The following PTPRD variants were observed in gnomAD, a reference collection of about 807,000 sequenced individuals.
PTPRD encodes protein tyrosine phosphatase receptor type D.
A neutral mutation model predicts 214.5 loss-of-function variants in PTPRD; 34 were observed. That is an observed-to-expected ratio of 0.16 (90% CI 0.12 to 0.21). The LOEUF (loss-of-function observed/expected upper bound fraction) is 0.21. Among genes scored for constraint, PTPRD ranks in the 10% least tolerant of loss-of-function variants. The pLI, the probability that PTPRD is intolerant of heterozygous loss-of-function variation, is 1.00. For missense variants in PTPRD, 2,545 were observed against 2,398.7 expected, an observed-to-expected ratio of 1.06 and a Z score of -1.27; for synonymous variants, 1,128 against 845.7, an observed-to-expected ratio of 1.33 and a Z score of -5.79.
chr9:9,093,937 A>G (rs995277980), intron 10 of PTPRD, among the ~76,000 whole-genome samples: 29 of 151,982 alleles, frequency 1.9e-4, no homozygotes, highest in African/African-American at 5.8e-4. Context: ...GACCAAGTAG[A>G]AAGAAAAAAA....
intron 9 of PTPRD, among the ~76,000 whole-genome samples, chr9:9,247,233 A>T (rs767622639): frequency 6.6e-6 from 1 of 151,786 alleles, no homozygotes; most frequent in East Asian, 1.9e-4. Flanking sequence ...GGAAGGCCAT[A>T]CAGAGAGGTC....
At chr9:8,493,649 C>T (rs1421787092) in intron 26 of PTPRD, among the ~76,000 whole-genome samples, 3 of 152,118 alleles carry the variant, frequency 2.0e-5, no homozygotes, top group African/African-American at 2.4e-5. Flanking sequence ...TCATTATCCA[C>T]TGAGGAGAAT....
intron 5 of PTPRD, among the ~76,000 whole-genome samples, chr9:9,841,542 A>G (rs1471760594): frequency 6.6e-6 from 1 of 152,142 alleles, no homozygotes; most frequent in Non-Finnish European, 1.5e-5. Context: ...TATTTCTGTT[A>G]TTAGAATATA....
At chr9:10,086,807 G>C (rs1194946994) in intron 3 of PTPRD, among the ~76,000 whole-genome samples, 3 of 151,700 alleles carry the variant, frequency 2.0e-5, no homozygotes, top group Non-Finnish European at 2.9e-5. Context: ...TTCATTTCAG[G>C]AGATGAGTTC....
chr9:8,710,162 T>C (rs1201960146), intron 12 of PTPRD, among the ~76,000 whole-genome samples: 1 of 152,188 alleles, frequency 6.6e-6, no homozygotes, highest in Non-Finnish European at 1.5e-5. Context: ...AGAAGCTTTT[T>C]TCCTGGCAAT....
chr9:9,856,248 G>A (rs1316575574), intron 5 of PTPRD, among the ~76,000 whole-genome samples: 2 of 152,128 alleles, frequency 1.3e-5, no homozygotes, highest in Non-Finnish European at 2.9e-5. Context: ...TCTGCCAGAT[G>A]AGCTTAGGGT....
intron 2 of PTPRD, among the ~76,000 whole-genome samples, chr9:10,603,134 C>A (rs368601621): frequency 6.6e-6 from 1 of 151,782 alleles, no homozygotes; most frequent in African/African-American, 2.4e-5. Flanking sequence ...TTAATCTTCC[C>A]AGGAAAAGGG....
intron 9 of PTPRD, among the ~76,000 whole-genome samples, chr9:9,347,434 T>C (rs2049294517): frequency 6.6e-6 from 1 of 151,976 alleles, no homozygotes; most frequent in Non-Finnish European, 1.5e-5. Flanking sequence ...TTCTGTTCCC[T>C]TCAATGTTAC....
intron 33 of PTPRD, among the ~76,000 whole-genome samples, chr9:8,457,452 G>A (rs2133977036): frequency 6.6e-6 from 1 of 152,010 alleles, no homozygotes; most frequent in Non-Finnish European, 1.5e-5. Flanking sequence ...AAGCCCTGGT[G>A]ATTTTTTTTT....
At chr9:8,454,962 A>T (rs2133848387) in intron 33 of PTPRD, among the ~76,000 whole-genome samples, 1 of 152,296 alleles carries the variant, frequency 6.6e-6, no homozygotes, top group South Asian at 2.1e-4. Flanking sequence ...ATGCTATGAG[A>T]AAACTAATGT....
chr9:8,486,365 T>C lies in PTPRD; in HGVS notation c.2468-16A>G. 1 of 1,608,514 alleles carries C rather than the reference T, an allele frequency of 6.2e-7. No individual in the cohort carries two copies. Among genetic ancestry groups the C allele is most frequent in the African/African-American group, 1.3e-5 (1 of 74,934 alleles). On this transcript the variant is annotated splice_polypyrimidine_tract_variant and intron_variant, in intron 27 of 45. Transcript: ENST00000381196. ...TTCCCTGGAACTGGAGCACATGGGATGGAGTGGTAAGACCAACCAATCTGA... is the reference window on the plus strand; with the variant it reads ...TTCCCTGGAACTGGAGCACATGGGACGGAGTGGTAAGACCAACCAATCTGA...
rs902370681 is a variant in PTPRD at position 9,762,706 on chromosome 9, G to A, written c.-326+4104C>T. Among the ~76,000 whole-genome samples the A allele has an allele frequency of 3.3e-5, 5 of 152,132 alleles. No individual in the cohort carries two copies. The South Asian group carries it at 6.2e-4, about 19-fold the overall frequency. ...TTCTACATAAGACTTCATCAGAACC[G>A]CATATATTTCTTTCATGCAACTCAG... On this transcript the variant is annotated intron_variant, in intron 6 of 45. Transcript: ENST00000381196.
In PTPRD at chr9:8,355,833, A is replaced by G. The variant is rs967756512; in HGVS notation, c.4662-13855T>C. ...GACCAAAGATTGTGCATTTCCAACAAGTTCTAAAGCCATGCTGATATGGCT... is the reference window on the plus strand; with the variant it reads ...GACCAAAGATTGTGCATTTCCAACAGGTTCTAAAGCCATGCTGATATGGCT... On this transcript the variant is annotated intron_variant, in intron 39 of 45. Transcript: ENST00000381196. Among the ~76,000 whole-genome samples, 3 of 152,160 alleles carry G rather than the reference A, an allele frequency of 2.0e-5. No homozygotes were observed. In the East Asian group the frequency reaches 5.8e-4, roughly 29 times the overall value.
chr9:9,823,635 G>A (rs868307253), intron 5 of PTPRD, among the ~76,000 whole-genome samples: 3 of 152,016 alleles, frequency 2.0e-5, no homozygotes, highest in African/African-American at 7.2e-5. Context: ...GTTACAGAAA[G>A]ACAAATATCA....
chr9:9,585,246 C>T (rs961752425), intron 7 of PTPRD, among the ~76,000 whole-genome samples: 7 of 152,022 alleles, frequency 4.6e-5, no homozygotes, highest in Non-Finnish European at 1.0e-4. Context: ...TGCCTAGGGG[C>T]AAAGCTGTGC....
At chr9:8,748,522 C>CAAAAAAAAAAAAAAAAAAAAAAAAAAAAA (rs1239091825) in intron 11 of PTPRD, among the ~76,000 whole-genome samples, 2 of 37,860 alleles carry the variant, frequency 5.3e-5, no homozygotes, top group Non-Finnish European at 1.2e-4. Context: ...CCTGCAACTG[C>CAAAAAAAAAAAAAAAAAAAAAAAAAAAAA]AAAAAAAAAA....
At chr9:9,263,064 T>TA (rs759152858) in intron 9 of PTPRD, among the ~76,000 whole-genome samples, 1 of 151,588 alleles carries the variant, frequency 6.6e-6, no homozygotes, top group Admixed American at 6.6e-5. Context: ...ATCCTCAGGG[T>TA]AAAAAAATTA....
At chr9:8,349,876 C>G (rs933539722) in intron 39 of PTPRD, among the ~76,000 whole-genome samples, 3 of 151,316 alleles carry the variant, frequency 2.0e-5, no homozygotes, top group African/African-American at 7.3e-5. Flanking sequence ...AATCAGAACA[C>G]AAACTCTATA....
In PTPRD at chr9:10,374,615, G is replaced by A. The variant is rs149501494; in HGVS notation, c.-599-33598C>T. Among the ~76,000 whole-genome samples, 877 of 152,082 alleles carry A rather than the reference G, an allele frequency of 5.8e-3. 11 individuals carry two copies. The highest frequency in any genetic ancestry group is 0.02 in the African/African-American group (833 of 41,514). On this transcript the variant is annotated intron_variant, in intron 2 of 45. Coordinates refer to ENST00000381196, the MANE Select transcript of PTPRD (RefSeq NM_002839.4). The stretch of plus-strand genomic sequence containing the variant: ...AATTGGAGAACCTAATCCTGCCTAC[G>A]TTTAGTGTCCTCTCCCTTCATTTTA...
Sources: allele counts gnomAD v4.1 joint callset (sites outside exome capture counted in the v4.1 genomes callset), GRCh38; gene constraint gnomAD v4.1.1; transcripts MANE v1.5; gene names NCBI Gene and HGNC (gene_info 2026-07-23, HGNC 2026-07-21).